Variants in SNRNP200 observed in about 807,000 individuals in gnomAD.
The protein encoded by SNRNP200 is small nuclear ribonucleoprotein U5 subunit 200.
A neutral mutation model predicts 255.2 loss-of-function variants in SNRNP200; 66 were observed. That is an observed-to-expected ratio of 0.26 (90% CI 0.21 to 0.32). The LOEUF (loss-of-function observed/expected upper bound fraction) is 0.32. Ranked by LOEUF, SNRNP200 falls within the 10% of genes least tolerant of loss-of-function variation. The pLI is 1.00. For missense variants in SNRNP200, 1,585 were observed against 2,749.8 expected (o/e 0.58, Z 9.47); for synonymous variants, 939 against 1,027.8 (o/e 0.91, Z 1.65).
At chr2:96,301,430 C>T in intron 4 of SNRNP200, 94 bp downstream of exon 4, 3 of 1,295,008 alleles carry the variant, frequency 2.3e-6, no homozygotes, top group Non-Finnish European at 3.4e-6. Context: ...AACTCACTGA[C>T]ATTAAGGTTT....
rs77150046 is a variant in SNRNP200 at position 96,286,039 on chromosome 2, G to A, written c.4003+272C>T. On this transcript the variant is annotated intron_variant, in intron 29 of 44. Coordinates refer to ENST00000323853, the MANE Select transcript of SNRNP200 (RefSeq NM_014014.5). The surrounding 1 kb of genome is among the most constrained non-coding windows in gnomAD (Gnocchi z 4.8). ...CATGGTTCTGGTTCAATACTTGAGC[G>A]CCAGGGGCAGGCCTCTAAGCCTCCT... Among the ~76,000 whole-genome samples the A allele has an allele frequency of 0.018, 2,701 of 152,356 alleles. 37 individuals are homozygous for A. Among genetic ancestry groups the A allele is most frequent in the Non-Finnish European group, 0.03 (2,061 of 68,032 alleles).
chr2:96,284,739 G>A (rs1381390048), intron 30 of SNRNP200, 154 bp from the exon 31 acceptor site: 6 of 645,372 alleles, frequency 9.3e-6, no homozygotes, highest in South Asian at 8.8e-5. Flanking sequence ...ATGCGATGGG[G>A]CAGCTTTTTC....
chr2:96,274,848 G>T lies in SNRNP200; in HGVS notation c.*164C>A. ...ATGACACCTGCTGTCACTGGATCCA[G>T]AGTGAGCAAGGGAAAGGAAGTGGAG... On this transcript the variant is annotated 3_prime_UTR_variant, in exon 45 of 45. Coordinates refer to ENST00000323853, the MANE Select transcript of SNRNP200 (RefSeq NM_014014.5). 1.3e-6 allele frequency: 1 copy of T among 762,260 alleles called. No individual in the cohort carries two copies. The highest frequency in any genetic ancestry group is 2.5e-5 in the East Asian group (1 of 40,174). The allele number at this position is 762,260 out of a possible 1,614,324, so 47.2% of individuals were successfully genotyped here. A position where few individuals can be genotyped will look rare whatever the true frequency, so the allele number is the denominator to read the frequency against.
rs922881340 is a variant in SNRNP200, at chr2:96,296,927, G to A, written c.1515+6C>T. On this transcript the variant is annotated splice_donor_region_variant and intron_variant, in intron 12 of 44. Coordinates refer to ENST00000323853, the MANE Select transcript of SNRNP200 (RefSeq NM_014014.5). ...ACAAGAAAACAGCAGGCAGGGTGGC[G>A]CTTACAGTAGGAGCACACAGCAGCA... 1.4e-5 allele frequency: 22 copies of A among 1,614,022 alleles called. No homozygotes were observed. Among genetic ancestry groups the A allele is most frequent in the Middle Eastern group, 1.6e-4 (1 of 6,084 alleles).
chr2:96,291,495 T>C lies in SNRNP200; in HGVS notation c.2318A>G (p.Glu773Gly). Residue 773 changes from glutamate to glycine, a missense_variant, in exon 18 of 45, where the codon GAG (glutamate) becomes GGG (glycine). Physicochemically the swap from Glu to Gly is moderately conservative, Grantham distance 98. This residue lies in a region of SNRNP200 where 140 missense variants were observed against 274.9 expected (regional missense o/e 0.51). Coordinates refer to ENST00000323853, the MANE Select transcript of SNRNP200 (RefSeq NM_014014.5). The surrounding 1 kb of genome is among the most constrained non-coding windows in gnomAD (Gnocchi z 4.2). ...RTEAEQCKNL[E>G]LKDLLPYGFA... Reference sequence around the variant, plus strand: ...GCCATAAGGCAGAAGATCCTTCAGCTCTAGGTTCTGTGGAACAAAGAACCG... The same window carrying C: ...GCCATAAGGCAGAAGATCCTTCAGCCCTAGGTTCTGTGGAACAAAGAACCG... 1.2e-6 allele frequency: 2 copies of C among 1,606,410 alleles called. No individual in the cohort carries two copies. The highest frequency in any genetic ancestry group is 8.5e-7 in the Non-Finnish European group (1 of 1,172,976).
Position 96,286,575 on chromosome 2 carries a change from A to G in SNRNP200, c.3830-91T>C. On this transcript the variant is annotated intron_variant, in intron 28 of 44. Coordinates refer to ENST00000323853, the MANE Select transcript of SNRNP200 (RefSeq NM_014014.5). This position sits in a 1 kb window ranked among gnomAD's most constrained non-coding sequence, Gnocchi z 4.8. ...CTCCATGAACACTGGAAACCTAGGC[A>G]GCATATGTATCACTCTGTCCCCAGC... The G allele has an allele frequency of 6.3e-7, 1 of 1,588,976 alleles. No individual in the cohort carries two copies. The highest frequency in any genetic ancestry group is 1.7e-5 in the Admixed American group (1 of 58,880).
intron 31 of SNRNP200, 93 bp downstream of exon 31, chr2:96,284,265 G>A (rs573440392): frequency 5.6e-5 from 64 of 1,136,026 alleles, no homozygotes; most frequent in Non-Finnish European, 7.8e-5. Context: ...GAGAAGCCCC[G>A]AGCCTCCGTC....
At chr2:96,288,986 G>A (rs1558767421) in intron 23 of SNRNP200, 51 bp downstream of exon 23, 1 of 1,511,726 alleles carries the variant, frequency 6.6e-7, no homozygotes, top group South Asian at 1.2e-5. Flanking sequence ...AGAAGATTAT[G>A]AAAACCACTT....
intron 29 of SNRNP200, among the ~76,000 whole-genome samples, chr2:96,285,955 T>C (rs945983352): frequency 1.2e-4 from 18 of 152,198 alleles, no homozygotes; most frequent in Non-Finnish European, 1.5e-4. Context: ...AAACAGTGCC[T>C]GCTCTGTGAA....
chr2:96,299,345 C>T lies in SNRNP200; in HGVS notation c.713G>A (p.Cys238Tyr). The T allele has an allele frequency of 6.2e-7, 1 of 1,613,922 alleles. No homozygotes were observed. The highest frequency in any genetic ancestry group is 8.5e-7 in the Non-Finnish European group (1 of 1,179,886). Reference sequence around the variant, plus strand: ...TGAACTTACATTAGCCGAGAGGGTGCAGCGCACGACAGCCTCGTCCCCTTC... The same window carrying T: ...TGAACTTACATTAGCCGAGAGGGTGTAGCGCACGACAGCCTCGTCCCCTTC... ...DMEGDEAVVRCTLSANLVASG... is the reference protein window; with the variant it reads ...DMEGDEAVVRYTLSANLVASG... The change falls in exon 6 of 45, where the codon TGC becomes TAC. Residue 238 changes from cysteine to tyrosine, a missense_variant. Cys to Tyr is a radical substitution (Grantham distance 194). Around this residue, in one of 9 missense-constraint regions of SNRNP200, gnomAD observed 383 missense variants for 645.3 expected, o/e 0.59. Transcript: ENST00000323853.
Position 96,278,762 on chromosome 2 carries a change from A to G in SNRNP200, c.5323+47T>C. 6.8e-6 allele frequency: 11 copies of G among 1,614,156 alleles called. No homozygotes were observed. Among genetic ancestry groups the G allele is most frequent in the Non-Finnish European group, 9.3e-6 (11 of 1,180,018 alleles). On this transcript the variant is annotated intron_variant, in intron 37 of 44. Transcript: ENST00000323853. This position sits in a 1 kb window ranked among gnomAD's most constrained non-coding sequence, Gnocchi z 6.9. ...AGCCTCAAGAAGATGCCCAGCAAAGACTGTGAGAACCACCAAAGGATCACG... is the reference window on the plus strand; with the variant it reads ...AGCCTCAAGAAGATGCCCAGCAAAGGCTGTGAGAACCACCAAAGGATCACG...
rs757109090 is a variant in SNRNP200 at position 96,291,838 on chromosome 2, C to T, written c.2223G>A (p.Met741Ile). Residue 741 changes from methionine (M) to isoleucine (I), a missense_variant, in exon 17 of 45, where the codon ATG (methionine) becomes ATA (isoleucine). By Grantham distance (10) the Met-to-Ile change is conservative. This residue lies in a region of SNRNP200 where 140 missense variants were observed against 274.9 expected (regional missense o/e 0.51). Transcript: ENST00000323853. This position sits in a 1 kb window ranked among gnomAD's most constrained non-coding sequence, Gnocchi z 4.2. ...TGKTARAIRDMCLEKDTLGLF... is the reference protein window; with the variant it reads ...TGKTARAIRDICLEKDTLGLF... ...GACCCAGAGTGTCCTTTTCTAGGCA[C>T]ATGTCCCGGATGGCCCTGGCTGTCT... is the stretch of plus-strand genomic sequence containing the variant. 1 of 1,614,208 alleles carries T rather than the reference C, an allele frequency of 6.2e-7. No individual in the cohort carries two copies. The highest frequency in any genetic ancestry group is 1.7e-5 in the Admixed American group (1 of 60,024).
chr2:96,285,331 G>A lies in SNRNP200; in HGVS notation c.4013C>T (p.Thr1338Ile), dbSNP rs1228535583. The change falls in exon 30 of 45, where the codon ACT becomes ATT. Residue 1338 changes from threonine to isoleucine, a missense_variant. Physicochemically the swap from Thr to Ile is moderately conservative, Grantham distance 89. Coordinates refer to ENST00000323853, the MANE Select transcript of SNRNP200 (RefSeq NM_014014.5). Reference protein sequence around the residue: ...FNPIQTQVFNTVYNSDDNVFV... With the variant: ...FNPIQTQVFNIVYNSDDNVFV... ...CACGTTGTCGTCACTGTTGTATACA[G>A]TGTTAAACACTGGAAACCAACAGAA... 7.4e-6 allele frequency: 12 copies of A among 1,614,036 alleles called. No individual in the cohort carries two copies. Among genetic ancestry groups the A allele is most frequent in the Non-Finnish European group, 1.0e-5 (12 of 1,180,046 alleles).
At chr2:96,303,907 A>G (rs1167737227) in intron 2 of SNRNP200, among the ~76,000 whole-genome samples, 3 of 151,314 alleles carry the variant, frequency 2.0e-5, no homozygotes, top group Non-Finnish European at 4.4e-5. Context: ...AAAAAAAAAA[A>G]GTACAACCCT....
At chr2:96,292,584 C>T (rs1179251560) in intron 16 of SNRNP200, among the ~76,000 whole-genome samples, 1 of 152,160 alleles carries the variant, frequency 6.6e-6, no homozygotes, top group African/African-American at 2.4e-5. Flanking sequence ...TGGAGGGACC[C>T]TGGATAATGC....
Position 96,296,647 on chromosome 2 carries a change from C to T in SNRNP200, c.1560G>A (p.Glu520=), listed in dbSNP as rs1290898390. 6.2e-7 allele frequency: 1 copy of T among 1,614,180 alleles called. No homozygotes were observed. Reference sequence around the variant, plus strand: ...CGTCCATGTTTATGTGTTTCCCAATCTCTCGGAGCATGCACATCAGGGCCA... The same window carrying T: ...CGTCCATGTTTATGTGTTTCCCAATTTCTCGGAGCATGCACATCAGGGCCA... ...TNVALMCMLR[E]IGKHINMDGT... is the part of the protein sequence containing the mutation. The change falls in exon 13 of 45, where the codon GAG becomes GAA. Residue 520 remains glutamate, a synonymous_variant. Coordinates refer to ENST00000323853, the MANE Select transcript of SNRNP200 (RefSeq NM_014014.5).
At position 96,298,844 on chromosome 2, in the gene SNRNP200, T is replaced by C; in HGVS notation, c.853A>G (p.Lys285Glu). 3 of 1,614,186 alleles carry C rather than the reference T, an allele frequency of 1.9e-6. No homozygotes were observed. Among genetic ancestry groups the C allele is most frequent in the Non-Finnish European group, 2.5e-6 (3 of 1,180,038 alleles). ...FYDDAIVSQKKADEVLEILKT... is the reference protein window; with the variant it reads ...FYDDAIVSQKEADEVLEILKT... The stretch of plus-strand genomic sequence containing the variant: ...AAAATCTCCAATACTTCATCTGCCT[T>C]CTTCTGCGACACGATGGCATCATCA... Residue 285 changes from lysine to glutamate, a missense_variant, in exon 7 of 45, where the codon AAG becomes GAG. Around this residue, in one of 9 missense-constraint regions of SNRNP200, gnomAD observed 383 missense variants for 645.3 expected, o/e 0.59. Coordinates refer to ENST00000323853, the MANE Select transcript of SNRNP200 (RefSeq NM_014014.5).
intron 35 of SNRNP200, 101 bp from the exon 36 acceptor site, chr2:96,279,660 CG>C: frequency 1.4e-6 from 1 of 722,464 alleles, no homozygotes; most frequent in South Asian, 1.5e-5. Flanking sequence ...AATGTTAATA[CG>C]GGGAGACACG....
intron 43 of SNRNP200, chr2:96,276,382 T>C (rs1377902484): frequency 1.1e-5 from 2 of 189,578 alleles, no homozygotes; most frequent in Non-Finnish European, 2.2e-5. Context: ...TGGACAATAC[T>C]ACACAACTGA....
Sources: allele counts gnomAD v4.1 joint callset (sites outside exome capture counted in the v4.1 genomes callset), GRCh38; gene constraint gnomAD v4.1.1; regional missense constraint gnomAD v4.1.1; non-coding constraint Gnocchi (gnomAD v3.1); transcripts MANE v1.5; gene names NCBI Gene and HGNC (gene_info 2026-07-23, HGNC 2026-07-21).